Variants in CASR observed in about 807,000 individuals in gnomAD.
CASR encodes calcium sensing receptor.
A neutral mutation model predicts 69.1 loss-of-function variants in CASR; 23 were observed. The observed-to-expected ratio is 0.33, with a 90% CI of 0.24 to 0.47. The LOEUF (loss-of-function observed/expected upper bound fraction) is 0.47, where lower values mean the gene tolerates loss of function less well. Ranked by LOEUF, CASR falls within the 20% of genes least tolerant of loss-of-function variation. The probability of loss-of-function intolerance (pLI) is 1.00; values close to 1 mark genes in which losing one functional copy is unlikely to be tolerated. For synonymous variants in CASR, 541 were observed against 544.7 expected, an observed-to-expected ratio of 0.99 and a Z score of 0.10; for missense variants, 924 against 1,356.1, an observed-to-expected ratio of 0.68 and a Z score of 5.00.
intron 1 of CASR, among the ~76,000 whole-genome samples, chr3:122,197,667 TC>T (rs2073903000): frequency 6.6e-6 from 1 of 152,162 alleles, no homozygotes; most frequent in African/African-American, 2.4e-5. Flanking sequence ...CTAGGCCACT[TC>T]CCAACTGCCT....
chr3:122,270,029 A>G (rs771457888), intron 4 of CASR, among the ~76,000 whole-genome samples: 1 of 152,080 alleles, frequency 6.6e-6, no homozygotes, highest in Non-Finnish European at 1.5e-5. Flanking sequence ...TTTAGTAGAG[A>G]TGGGGTTTCA....
Position 122,257,234 on chromosome 3 carries a change from T to C in CASR, c.339T>C (p.Ser113=). The C allele has an allele frequency of 6.2e-7, 1 of 1,614,008 alleles. No homozygotes were observed. The highest frequency in any genetic ancestry group is 2.2e-5 in the East Asian group (1 of 44,882). The stretch of plus-strand genomic sequence containing the variant: ...CTAAGGCCTTGGAAGCCACCCTGAG[T>C]TTTGTTGCTCAAAACAAAATTGATT... ...TVSKALEATL[S]FVAQNKIDSL... The change falls in exon 3 of 7, where the codon AGT becomes AGC. Residue 113 remains serine, a synonymous_variant. Coordinates refer to ENST00000639785, the MANE Select transcript of CASR (RefSeq NM_000388.4).
chr3:122,185,175 A>G (rs565716281), intron 1 of CASR, among the ~76,000 whole-genome samples: 8 of 152,140 alleles, frequency 5.3e-5, no homozygotes, highest in Admixed American at 3.9e-4. Context: ...TTCTTTTTTT[A>G]AGTCAAATAA....
At chr3:122,200,256 A>G (rs1002039827) in intron 1 of CASR, among the ~76,000 whole-genome samples, 4 of 152,220 alleles carry the variant, frequency 2.6e-5, no homozygotes, top group Non-Finnish European at 5.9e-5. Context: ...TAAAGTATTG[A>G]GGTGATGGAT....
intron 1 of CASR, among the ~76,000 whole-genome samples, chr3:122,210,370 A>G (rs1195784480): frequency 2.6e-5 from 4 of 152,232 alleles, no homozygotes; most frequent in African/African-American, 9.6e-5. Flanking sequence ...GCTTAAGCTG[A>G]TAAGCAACTT....
chr3:122,256,745 G>A (rs888046790), intron 2 of CASR, among the ~76,000 whole-genome samples: 2 of 152,104 alleles, frequency 1.3e-5, no homozygotes, highest in African/African-American at 4.8e-5. Context: ...AGCCTCCCCT[G>A]TAGCTGGGAT....
chr3:122,267,385 G>A (rs2074706592), intron 4 of CASR, among the ~76,000 whole-genome samples: 1 of 152,074 alleles, frequency 6.6e-6, no homozygotes, highest in East Asian at 1.9e-4. Flanking sequence ...CCTGCTGTGA[G>A]GACATAGTAC....
intron 1 of CASR, among the ~76,000 whole-genome samples, chr3:122,252,112 G>A (rs1272466833): frequency 2.0e-5 from 3 of 151,992 alleles, no homozygotes; most frequent in Admixed American, 6.6e-5. Context: ...GTGGACAACA[G>A]AGTGAGACCC....
chr3:122,244,751 A>T (rs2074410555), intron 1 of CASR, among the ~76,000 whole-genome samples: 1 of 131,158 alleles, frequency 7.6e-6, no homozygotes, highest in Non-Finnish European at 1.7e-5. Context: ...TTCAATTAAA[A>T]TTTTATTTTA....
chr3:122,283,325 G>A lies in CASR; in HGVS notation c.1733-362G>A, dbSNP rs36063612. 1.6e-3 allele frequency among the ~76,000 whole-genome samples: 250 copies of A among 152,282 alleles called. 1 individual carries two copies. Among genetic ancestry groups the A allele is most frequent in the African/African-American group, 5.7e-3 (236 of 41,538 alleles). On this transcript the variant is annotated intron_variant, in intron 6 of 6. Transcript: ENST00000639785. ...TCAGGCTAAGCTTGAATCATTCTGCGAAGAGTTGATGGACCATGCTAGACC... is the reference window on the plus strand; with the variant it reads ...TCAGGCTAAGCTTGAATCATTCTGCAAAGAGTTGATGGACCATGCTAGACC...
At chr3:122,282,060 G>A (rs1389332411) in intron 5 of CASR, 53 bp from the exon 6 acceptor site, 2 of 1,613,574 alleles carry the variant, frequency 1.2e-6, no homozygotes, top group Non-Finnish European at 8.5e-7. Flanking sequence ...CAGTAGGGCT[G>A]GCCCCTGACC....
intron 5 of CASR, among the ~76,000 whole-genome samples, chr3:122,280,857 A>T (rs760798883): frequency 1.3e-5 from 2 of 152,256 alleles, no homozygotes; most frequent in Non-Finnish European, 2.9e-5. Flanking sequence ...CTATGTATTA[A>T]GCATTACTCC....
chr3:122,218,670 G>A (rs889396987), intron 1 of CASR, among the ~76,000 whole-genome samples: 3 of 152,078 alleles, frequency 2.0e-5, no homozygotes, highest in African/African-American at 7.2e-5. Context: ...TATTTATTGA[G>A]CCCCAGATGC....
intron 1 of CASR, among the ~76,000 whole-genome samples, chr3:122,241,624 C>G (rs141414716): frequency 6.6e-6 from 1 of 152,110 alleles, no homozygotes; most frequent in Admixed American, 6.5e-5. Context: ...CAATCCTACT[C>G]AAACTATTCC....
At chr3:122,276,587 G>C (rs2074824256) in intron 5 of CASR, among the ~76,000 whole-genome samples, 1 of 152,190 alleles carries the variant, frequency 6.6e-6, no homozygotes, top group Non-Finnish European at 1.5e-5. Context: ...AAAGACACTG[G>C]AGCCCAAAAT....
intron 1 of CASR, among the ~76,000 whole-genome samples, chr3:122,190,696 C>CAATG (rs954605239): frequency 2.9e-4 from 44 of 152,236 alleles, no homozygotes; most frequent in African/African-American, 7.0e-4. Flanking sequence ...CTGAATGAAT[C>CAATG]AATGAATGAA....
At chr3:122,281,880 A>ATG (rs932297836) in intron 5 of CASR, among the ~76,000 whole-genome samples, 127 of 79,144 alleles carry the variant, frequency 1.6e-3, no homozygotes, top group South Asian at 0.015. Flanking sequence ...GTGCATGCAC[A>ATG]TGTGTGTGTG....
At position 122,288,488 on chromosome 3, in the gene CASR, A is replaced by G. The variant is rs2074987871; in HGVS notation, c.*3297A>G. 1 of 152,212 alleles carries G rather than the reference A, an allele frequency of 6.6e-6. No homozygotes were observed. The highest frequency in any genetic ancestry group is 1.9e-4 in the East Asian group (1 of 5,196). 9.4% of individuals were successfully genotyped at this position (152,212 alleles called of 1,614,324 possible). Reference sequence around the variant, plus strand: ...ATTTGTATTGTTATCTCCTTCCCTGAGTTTTGGCAGCCAGAGCCTGTCTCA... The same window carrying G: ...ATTTGTATTGTTATCTCCTTCCCTGGGTTTTGGCAGCCAGAGCCTGTCTCA... On this transcript the variant is annotated 3_prime_UTR_variant, in exon 7 of 7. Coordinates refer to ENST00000639785, the MANE Select transcript of CASR (RefSeq NM_000388.4).
At chr3:122,252,439 A>AAGAAAGAAAGAAAGAAAGAAAG in intron 1 of CASR, among the ~76,000 whole-genome samples, 1 of 108,196 alleles carries the variant, frequency 9.2e-6, no homozygotes, top group Middle Eastern at 3.9e-3. Flanking sequence ...GAAAGAAAGA[A>AAGAAAGAAAGAAAGAAAGAAAG]AGAAAGAAAA....
Sources: allele counts gnomAD v4.1 joint callset (sites outside exome capture counted in the v4.1 genomes callset), GRCh38; gene constraint gnomAD v4.1.1; transcripts MANE v1.5; gene names NCBI Gene and HGNC (gene_info 2026-07-23, HGNC 2026-07-21).